Variants in SV2C observed in about 807,000 individuals in gnomAD.
SV2C encodes solute carrier family 22 member B3.
SV2C carries 49 observed loss-of-function variants against 79.7 expected under a neutral mutation model. The observed-to-expected ratio is 0.61, with a 90% CI of 0.49 to 0.78. SV2C has a LOEUF of 0.78. Among genes scored for constraint, SV2C ranks in the 30% least tolerant of loss-of-function variants. SV2C has a pLI of 0.00. For synonymous variants in SV2C, 334 were observed against 333.2 expected (o/e 1.00, Z -0.03); for missense variants, 833 against 912.9 (o/e 0.91, Z 1.13).
At chr5:76,094,076 A>G (rs904304390) in intron 1 of SV2C, among the ~76,000 whole-genome samples, 5 of 152,170 alleles carry the variant, frequency 3.3e-5, no homozygotes, top group Non-Finnish European at 5.9e-5. Context: ...GAGACTCTGT[A>G]AATAAAGAAA....
chr5:76,094,211 C>T (rs2112103897), intron 1 of SV2C, among the ~76,000 whole-genome samples: 1 of 152,240 alleles, frequency 6.6e-6, no homozygotes, highest in African/African-American at 2.4e-5. Flanking sequence ...TTTTTTTCCA[C>T]AGAAAACATA....
the SV2C span, among the ~76,000 whole-genome samples, chr5:76,057,244 T>A: frequency 6.6e-6 from 1 of 152,144 alleles, no homozygotes; most frequent in Non-Finnish European, 1.5e-5. Flanking sequence ...TGTTTTTTTT[T>A]ATACTTTAAG....
chr5:76,271,616 C>CTTTTTTTTGTT (rs1746862696), intron 4 of SV2C, among the ~76,000 whole-genome samples: 1 of 96,060 alleles, frequency 1.0e-5, no homozygotes, highest in African/African-American at 3.9e-5. Flanking sequence ...AGCATGTGTT[C>CTTTTTTTTGTT]TTTTTTTTTT....
intron 1 of SV2C, among the ~76,000 whole-genome samples, chr5:76,129,289 A>G (rs1748805234): frequency 6.6e-6 from 1 of 152,196 alleles, no homozygotes. Context: ...GGGCACAGAA[A>G]AATCTTCTTT....
At chr5:76,276,693 A>G (rs115233309) in intron 4 of SV2C, among the ~76,000 whole-genome samples, 4,703 of 147,678 alleles carry the variant, frequency 0.032, 125 homozygotes, top group South Asian at 0.071. Flanking sequence ...AGCTATGACC[A>G]CAGGTATGCA....
At chr5:75,898,661 A>G in the SV2C span, among the ~76,000 whole-genome samples, 1 of 152,062 alleles carries the variant, frequency 6.6e-6, no homozygotes, top group Non-Finnish European at 1.5e-5. Context: ...TCCTCCTTGT[A>G]CCTCTGGTAG....
At chr5:75,920,974 C>T in the SV2C span, 1 of 714,176 alleles carries the variant, frequency 1.4e-6, no homozygotes, top group Non-Finnish European at 2.6e-6. Context: ...GGAGGTGATG[C>T]TCCAGTGCTG....
At chr5:76,291,124 C>A (rs555605541) in intron 6 of SV2C, 97 bp from the exon 7 acceptor site, 2 of 708,620 alleles carry the variant, frequency 2.8e-6, no homozygotes, top group Admixed American at 6.0e-5. Flanking sequence ...TACTTCTTGC[C>A]GGAGTCAGTT....
chr5:76,193,892 T>C (rs1182128837), intron 2 of SV2C, among the ~76,000 whole-genome samples: 4 of 152,188 alleles, frequency 2.6e-5, no homozygotes, highest in Non-Finnish European at 5.9e-5. Flanking sequence ...AACCAACATA[T>C]GGAATGTTCC....
the SV2C span, among the ~76,000 whole-genome samples, chr5:75,979,043 C>A: frequency 6.6e-6 from 1 of 152,122 alleles, no homozygotes; most frequent in African/African-American, 2.4e-5. Flanking sequence ...AGTGGAAAAT[C>A]TACCAAGCAA....
At chr5:76,042,517 C>G in the SV2C span, among the ~76,000 whole-genome samples, 1 of 152,202 alleles carries the variant, frequency 6.6e-6, no homozygotes, top group Non-Finnish European at 1.5e-5. Context: ...ATCTATAGAT[C>G]CTCCTTCTAA....
the SV2C span, among the ~76,000 whole-genome samples, chr5:76,036,726 G>C: frequency 6.6e-6 from 1 of 152,082 alleles, no homozygotes; most frequent in East Asian, 1.9e-4. Context: ...AGGTGTCTTG[G>C]AGTTGCTCTT....
At chr5:76,196,808 G>T (rs560684780) in intron 3 of SV2C, among the ~76,000 whole-genome samples, 7 of 152,274 alleles carry the variant, frequency 4.6e-5, no homozygotes, top group African/African-American at 1.2e-4. Flanking sequence ...TCAAATTATT[G>T]TGGCAATTTT....
chr5:76,064,884 T>C, the SV2C span, among the ~76,000 whole-genome samples: 11 of 152,286 alleles, frequency 7.2e-5, no homozygotes, highest in African/African-American at 2.6e-4. Flanking sequence ...GAACAATGTA[T>C]TTATGAATAA....
At chr5:75,886,450 G>T in the SV2C span, among the ~76,000 whole-genome samples, 1 of 152,142 alleles carries the variant, frequency 6.6e-6, no homozygotes, top group East Asian at 1.9e-4. Flanking sequence ...GCCTGGGGCA[G>T]CTTCCTCCTT....
the SV2C span, among the ~76,000 whole-genome samples, chr5:76,027,961 C>T: frequency 2.6e-5 from 4 of 152,186 alleles, no homozygotes; most frequent in Non-Finnish European, 5.9e-5. Flanking sequence ...TCTTCAAGTG[C>T]ATGTGTTATC....
rs560632653 is a variant in SV2C at position 76,123,789 on chromosome 5, A to G, written c.-101-7861A>G. 5.9e-5 allele frequency among the ~76,000 whole-genome samples: 9 copies of G among 152,310 alleles called. No homozygotes were observed. In the South Asian group the frequency reaches 1.4e-3, roughly 25 times the overall value. On this transcript the variant is annotated intron_variant, in intron 1 of 12. Transcript: ENST00000502798. ...AGACCACACTTTGAGAACCACTACT[A>G]TGGAAGATATGCTCACAGCCAAGAA...
chr5:76,352,968 G>T (rs1295938540), intron 12 of SV2C, among the ~76,000 whole-genome samples: 3 of 143,076 alleles, frequency 2.1e-5, no homozygotes, highest in Non-Finnish European at 3.0e-5. Context: ...CTGAGACAAG[G>T]TCTTGCTCTG....
the SV2C span, among the ~76,000 whole-genome samples, chr5:75,903,256 G>T: frequency 2.6e-5 from 4 of 151,872 alleles, no homozygotes; most frequent in Admixed American, 1.3e-4. Context: ...CTTTCACTGT[G>T]TACACATGCA....
Sources: allele counts gnomAD v4.1 joint callset (sites outside exome capture counted in the v4.1 genomes callset), GRCh38; gene constraint gnomAD v4.1.1; transcripts MANE v1.5; gene names NCBI Gene and HGNC (gene_info 2026-07-23, HGNC 2026-07-21).